CNTLN: variants seen among roughly 807,000 people sequenced by gnomAD.
CNTLN encodes centlein, centrosomal protein.
A neutral mutation model predicts 180.0 loss-of-function variants in CNTLN; 212 were observed. The ratio of observed to expected loss-of-function variants is 1.18; its 90% CI spans 1.05 to 1.32. CNTLN has a LOEUF of 1.32. CNTLN is among the 40% of genes most tolerant of loss of function. The pLI is 0.00. For synonymous variants in CNTLN, 722 were observed against 563.1 expected (o/e 1.28, Z -3.99); for missense variants, 2,095 against 1,610.9 (o/e 1.30, Z -5.14).
intron 18 of CNTLN, among the ~76,000 whole-genome samples, chr9:17,418,814 A>G (rs1828471645): frequency 6.6e-6 from 1 of 152,032 alleles, no homozygotes; most frequent in African/African-American, 2.4e-5. Context: ...TCCATACTAA[A>G]GATATTACTT....
In CNTLN at chr9:17,425,265, A is replaced by G. The variant is rs112221748; in HGVS notation, c.3114+9076A>G. On this transcript the variant is annotated intron_variant, in intron 18 of 25. Coordinates refer to ENST00000380647, the MANE Select transcript of CNTLN (RefSeq NM_017738.4). ...GTGTTGGGAGATGGGGCCTTTGGGA[A>G]GTAGTTAGAGTTAAAGGAGGTCCTG... Among the ~76,000 whole-genome samples the G allele has an allele frequency of 1.1e-3, 164 of 152,182 alleles. 1 individual carries two copies. The highest frequency in any genetic ancestry group is 3.5e-3 in the African/African-American group (144 of 41,522).
intron 2 of CNTLN, among the ~76,000 whole-genome samples, chr9:17,222,018 G>A (rs180964816): frequency 6.6e-6 from 1 of 151,992 alleles, no homozygotes; most frequent in Admixed American, 6.6e-5. Flanking sequence ...AAAGATGTTG[G>A]ACTGCAGTTC....
At chr9:17,506,362 A>G (rs1833932340), downstream of CNTLN, among the ~76,000 whole-genome samples, 1 of 152,292 alleles carries the variant, frequency 6.6e-6, no homozygotes, top group East Asian at 1.9e-4. Flanking sequence ...CAAAGGATTC[A>G]TATCTAAAAT....
At chr9:17,278,970 C>A (rs1322646717) in intron 6 of CNTLN, among the ~76,000 whole-genome samples, 3 of 151,744 alleles carry the variant, frequency 2.0e-5, no homozygotes, top group Non-Finnish European at 1.5e-5. Flanking sequence ...AACAATAAGG[C>A]TCTCTGATGT....
At chr9:17,238,798 A>G (rs1825312616) in intron 5 of CNTLN, among the ~76,000 whole-genome samples, 1 of 152,162 alleles carries the variant, frequency 6.6e-6, no homozygotes, top group African/African-American at 2.4e-5. Flanking sequence ...TATTTCCTAC[A>G]TGTATATATA....
intron 25 of CNTLN, among the ~76,000 whole-genome samples, chr9:17,498,691 A>G (rs545317627): frequency 7.2e-5 from 11 of 152,174 alleles, no homozygotes; most frequent in Non-Finnish European, 1.2e-4. Context: ...TATGCCCAGG[A>G]ATATCATTTC....
rs184557764 is a variant in CNTLN at position 17,267,764 on chromosome 9, C to G, written c.850-5969C>G. Reference sequence around the variant, plus strand: ...TTTTTATTCTTTTTTCTCTAAACTTCTCTTCTCACTTCATTTCATTCATTT... The same window carrying G: ...TTTTTATTCTTTTTTCTCTAAACTTGTCTTCTCACTTCATTTCATTCATTT... On this transcript the variant is annotated intron_variant, in intron 5 of 25. Coordinates refer to ENST00000380647, the MANE Select transcript of CNTLN (RefSeq NM_017738.4). Among the ~76,000 whole-genome samples the G allele has an allele frequency of 2.9e-3, 445 of 152,224 alleles. 5 individuals are homozygous for G. The highest frequency in any genetic ancestry group is 0.01 in the African/African-American group (426 of 41,532).
intron 2 of CNTLN, among the ~76,000 whole-genome samples, chr9:17,225,829 C>T (rs1337030268): frequency 6.6e-6 from 1 of 151,920 alleles, no homozygotes; most frequent in Non-Finnish European, 1.5e-5. Flanking sequence ...CTCTGTCACT[C>T]TCTCTTTTGA....
At chr9:17,237,527 A>C (rs1225169235) in intron 5 of CNTLN, among the ~76,000 whole-genome samples, 1 of 152,104 alleles carries the variant, frequency 6.6e-6, no homozygotes, top group Non-Finnish European at 1.5e-5. Flanking sequence ...ATTAAAAAAA[A>C]CAAGTAAAAG....
At chr9:17,306,094 C>T (rs1818684821) in intron 7 of CNTLN, among the ~76,000 whole-genome samples, 2 of 151,406 alleles carry the variant, frequency 1.3e-5, no homozygotes, top group East Asian at 1.9e-4. Context: ...GCTTAAACTG[C>T]ATGTCAGAGA....
Position 17,463,010 on chromosome 9 carries a change from A to G in CNTLN, c.3401A>G (p.Glu1134Gly). ...GAAGAACACATAAAGGAAATGCATG[A>G]AAAGTATGGTTTTTGTATTTCTATC... is the stretch of plus-strand genomic sequence containing the variant. ...AKEEHIKEMH[E>G]KISRMERDIT... Residue 1134 changes from glutamate to glycine, a missense_variant, in exon 20 of 26, where the codon GAA becomes GGA. Glu to Gly is a moderately conservative substitution (Grantham distance 98, BLOSUM62 -2). Coordinates refer to ENST00000380647, the MANE Select transcript of CNTLN (RefSeq NM_017738.4). The G allele has an allele frequency of 3.2e-6, 5 of 1,564,522 alleles. No homozygotes were observed. The highest frequency in any genetic ancestry group is 4.3e-6 in the Non-Finnish European group (5 of 1,154,066).
intron 14 of CNTLN, among the ~76,000 whole-genome samples, 154 bp from the exon 15 acceptor site, chr9:17,394,380 T>A (rs1826330597): frequency 6.6e-6 from 1 of 152,192 alleles, no homozygotes; most frequent in South Asian, 2.1e-4. Flanking sequence ...AATGTATTCA[T>A]CTGCACTGCC....
rs1263088633 is a variant in CNTLN at position 17,298,364 on chromosome 9, T to C, written c.1146+12T>C. The stretch of plus-strand genomic sequence containing the variant: ...TATCATATCAAAAAGTATGCTTTTA[T>C]TCTGTAATAAAGATGTAAATGTTTA... On this transcript the variant is annotated intron_variant, in intron 7 of 25. Coordinates refer to ENST00000380647, the MANE Select transcript of CNTLN (RefSeq NM_017738.4). 6.2e-7 allele frequency: 1 copy of C among 1,603,986 alleles called. No individual in the cohort carries two copies. Among genetic ancestry groups the C allele is most frequent in the Non-Finnish European group, 8.5e-7 (1 of 1,176,174 alleles).
the CNTLN span, among the ~76,000 whole-genome samples, chr9:17,509,107 G>C: frequency 6.6e-6 from 1 of 152,222 alleles, no homozygotes; most frequent in African/African-American, 2.4e-5. Flanking sequence ...TCTGAGCAAA[G>C]TGGCCATGGT....
At chr9:17,384,721 C>T (rs1281798895) in intron 13 of CNTLN, among the ~76,000 whole-genome samples, 2 of 152,152 alleles carry the variant, frequency 1.3e-5, no homozygotes, top group East Asian at 3.9e-4. Flanking sequence ...AAAACTTTTT[C>T]ATGGCAGTTC....
At chr9:17,333,194 G>A (rs1820759741) in intron 10 of CNTLN, among the ~76,000 whole-genome samples, 1 of 151,988 alleles carries the variant, frequency 6.6e-6, no homozygotes, top group Non-Finnish European at 1.5e-5. Flanking sequence ...CATTTCAGCT[G>A]AATTTGTCTC....
chr9:17,198,386 C>CTTTTTTTTTTTTTTTTTTTTT (rs61209273), intron 2 of CNTLN, among the ~76,000 whole-genome samples: 2 of 109,750 alleles, frequency 1.8e-5, no homozygotes, highest in Non-Finnish European at 3.9e-5. Flanking sequence ...TCTTTTCTTT[C>CTTTTTTTTTTTTTTTTTTTTT]TTTTTTTTTT....
rs1827814032 is a variant in CNTLN at position 17,411,156 on chromosome 9, G to A, written c.2796+1683G>A. Among the ~76,000 whole-genome samples the A allele has an allele frequency of 1.3e-5, 2 of 152,106 alleles. 1 individual carries two copies. The highest frequency in any genetic ancestry group is 4.1e-4 in the South Asian group (2 of 4,826). On this transcript the variant is annotated intron_variant, in intron 16 of 25. Coordinates refer to ENST00000380647, the MANE Select transcript of CNTLN (RefSeq NM_017738.4). ...TCAGCACTCAAGGAACAACATGGTGGTGAGTTCTTTGGGTTTTCATTTTGC... is the reference window on the plus strand; with the variant it reads ...TCAGCACTCAAGGAACAACATGGTGATGAGTTCTTTGGGTTTTCATTTTGC...
At chr9:17,323,761 G>A (rs951662748) in intron 8 of CNTLN, among the ~76,000 whole-genome samples, 1 of 152,112 alleles carries the variant, frequency 6.6e-6, no homozygotes, top group Admixed American at 6.5e-5. Context: ...CCTTTGACAG[G>A]CCAATTTAAT....
Sources: gnomAD v4.1 joint callset for allele counts (sites outside exome capture counted in the v4.1 genomes callset) on GRCh38, gnomAD v4.1.1 for gene constraint, MANE v1.5 for transcripts, NCBI Gene and HGNC (gene_info 2026-07-23, HGNC 2026-07-21) for gene names.